Variants in KITLG observed in about 807,000 individuals in gnomAD.
KITLG encodes the protein KIT ligand, also known as c-Kit ligand.
KITLG carries 13 observed loss-of-function variants against 34.1 expected under a neutral mutation model. The observed-to-expected ratio is 0.38, with a 90% CI of 0.25 to 0.61. The LOEUF is 0.61. Ranked by LOEUF, KITLG falls within the 20% of genes least tolerant of loss-of-function variation. The pLI is 0.60. For synonymous variants in KITLG, 110 were observed against 104.0 expected (o/e 1.06, Z -0.35); for missense variants, 292 against 318.9 (o/e 0.92, Z 0.64).
At chr12:88,519,914 G>A (rs915973511) in intron 3 of KITLG, among the ~76,000 whole-genome samples, 3 of 152,126 alleles carry the variant, frequency 2.0e-5, no homozygotes, top group African/African-American at 7.2e-5. Flanking sequence ...GTGAGTCACT[G>A]CATCTGGCTC....
intron 6 of KITLG, among the ~76,000 whole-genome samples, chr12:88,510,032 C>CA (rs1869215319): frequency 6.6e-6 from 1 of 152,106 alleles, no homozygotes; most frequent in Non-Finnish European, 1.5e-5. Flanking sequence ...TGAGTAATCC[C>CA]AAATTCCTGG....
intron 1 of KITLG, among the ~76,000 whole-genome samples, chr12:88,549,790 G>A (rs1340204032): frequency 6.6e-6 from 1 of 152,050 alleles, no homozygotes; most frequent in African/African-American, 2.4e-5. Flanking sequence ...AAGGGAGTGA[G>A]TAAAAGTATA....
intron 2 of KITLG, among the ~76,000 whole-genome samples, chr12:88,540,748 T>C (rs980772822): frequency 2.0e-5 from 3 of 152,206 alleles, no homozygotes; most frequent in Non-Finnish European, 4.4e-5. Flanking sequence ...CTTGATAATA[T>C]AGCAATCTAT....
chr12:88,538,203 T>C (rs1451175093), intron 2 of KITLG, among the ~76,000 whole-genome samples: 1 of 152,018 alleles, frequency 6.6e-6, no homozygotes, highest in Admixed American at 6.6e-5. Flanking sequence ...ATGGGAAAGC[T>C]CATAATGTGT....
chr12:88,519,607 ATTTAT>A (rs1263430059), intron 3 of KITLG, among the ~76,000 whole-genome samples: 2 of 151,928 alleles, frequency 1.3e-5, no homozygotes, highest in African/African-American at 2.4e-5. Flanking sequence ...CCTTTTATTT[ATTTAT>A]TTATTTATTT....
intron 3 of KITLG, among the ~76,000 whole-genome samples, 158 bp from the exon 4 acceptor site, chr12:88,519,025 GCTA>G (rs1342987251): frequency 1.3e-5 from 2 of 152,010 alleles, no homozygotes; most frequent in Non-Finnish European, 2.9e-5. Context: ...ACCATGCCTG[GCTA>G]CTTTTTTATT....
rs1868625627 is a variant in KITLG, at chr12:88,495,965, T to C, written c.*1254A>G. 1.3e-5 allele frequency: 2 copies of C among 152,176 alleles called. No individual in the cohort carries two copies. The highest frequency in any genetic ancestry group is 2.4e-5 in the African/African-American group (1 of 41,450). 9.4% of individuals were successfully genotyped at this position (152,176 alleles called of 1,614,324 possible). On this transcript the variant is annotated 3_prime_UTR_variant, in exon 10 of 10. Transcript: ENST00000644744. The stretch of plus-strand genomic sequence containing the variant: ...CTAGTTTAAAAGCACAATGTCCATC[T>C]TGGGAATTCCTGCCAAATTCACTCT...
At chr12:88,570,744 T>C (rs528437093) in intron 1 of KITLG, among the ~76,000 whole-genome samples, 26 of 152,288 alleles carry the variant, frequency 1.7e-4, no homozygotes, top group African/African-American at 6.3e-4. Flanking sequence ...AGGGTTTTTA[T>C]TTTTCTTTGT....
rs139958369 is a variant in KITLG, at chr12:88,553,908, G to A, written c.16-8043C>T. On this transcript the variant is annotated intron_variant, in intron 1 of 9. Coordinates refer to ENST00000644744, the MANE Select transcript of KITLG (RefSeq NM_000899.5). ...TAGAAAAGTACTTTAAAGAAGTCTG[G>A]GGTGGGAGGGATTTACAAGAAGATG... 7.2e-5 allele frequency among the ~76,000 whole-genome samples: 11 copies of A among 152,280 alleles called. No homozygotes were observed. In the East Asian group the frequency reaches 1.5e-3, roughly 21 times the overall value.
In KITLG at chr12:88,493,884, A is replaced by C. The variant is rs2120766111; in HGVS notation, c.*3335T>G. 6.6e-6 allele frequency: 1 copy of C among 152,056 alleles called. No homozygotes were observed. Among genetic ancestry groups the C allele is most frequent in the East Asian group, 1.9e-4 (1 of 5,178 alleles). 9.4% of individuals were successfully genotyped at this position (152,056 alleles called of 1,614,324 possible). A position where few individuals can be genotyped will look rare whatever the true frequency, so the allele number is the denominator to read the frequency against. On this transcript the variant is annotated 3_prime_UTR_variant, in exon 10 of 10. Coordinates refer to ENST00000644744, the MANE Select transcript of KITLG (RefSeq NM_000899.5). ...CCATCTCTTGTGTAAATGGTGATCC[A>C]ATTCACCCTACTTAAGACTGAATTT...
chr12:88,520,711 T>C (rs1869626886), intron 3 of KITLG, among the ~76,000 whole-genome samples: 1 of 152,208 alleles, frequency 6.6e-6, no homozygotes, highest in Non-Finnish European at 1.5e-5. Context: ...AGAAAATGTT[T>C]TGTTGATTTG....
chr12:88,561,114 T>C (rs1307008877), intron 1 of KITLG, among the ~76,000 whole-genome samples: 1 of 151,540 alleles, frequency 6.6e-6, no homozygotes, highest in Non-Finnish European at 1.5e-5. Context: ...TTTGACACAA[T>C]CCTTATGGCC....
At chr12:88,500,875 G>C (rs1868825644) in intron 9 of KITLG, among the ~76,000 whole-genome samples, 1 of 152,098 alleles carries the variant, frequency 6.6e-6, no homozygotes, top group Non-Finnish European at 1.5e-5. Flanking sequence ...AACCTCTCGG[G>C]CTCAGGCAAT....
At chr12:88,522,531 G>A (rs147242109) in intron 3 of KITLG, among the ~76,000 whole-genome samples, 1 of 149,626 alleles carries the variant, frequency 6.7e-6, no homozygotes, top group Non-Finnish European at 1.5e-5. Context: ...GGGTTCAAGC[G>A]ATTCTCCTGC....
At chr12:88,536,049 T>C (rs1188849920) in intron 2 of KITLG, among the ~76,000 whole-genome samples, 1 of 151,942 alleles carries the variant, frequency 6.6e-6, no homozygotes, top group East Asian at 1.9e-4. Context: ...AAAATGACAA[T>C]TGGGAGCTAA....
intron 3 of KITLG, among the ~76,000 whole-genome samples, chr12:88,520,797 A>G (rs1869629822): frequency 6.6e-6 from 1 of 152,004 alleles, no homozygotes; most frequent in Admixed American, 6.6e-5. Flanking sequence ...ACCGAACTCT[A>G]TGTTTACATT....
intron 9 of KITLG, among the ~76,000 whole-genome samples, chr12:88,503,625 C>T (rs967151180): frequency 3.3e-5 from 5 of 152,134 alleles, no homozygotes; most frequent in African/African-American, 1.2e-4. Flanking sequence ...GTGGGTCTTC[C>T]CGCAACAGTA....
chr12:88,519,959 C>G (rs1045960044), intron 3 of KITLG, among the ~76,000 whole-genome samples: 2 of 152,034 alleles, frequency 1.3e-5, no homozygotes, highest in African/African-American at 4.8e-5. Flanking sequence ...TAGAAGGGAC[C>G]ACTTTATATT....
chr12:88,500,900 C>T (rs1868826881), intron 9 of KITLG, among the ~76,000 whole-genome samples: 1 of 152,144 alleles, frequency 6.6e-6, no homozygotes, highest in African/African-American at 2.4e-5. Flanking sequence ...CTGCCTCAGC[C>T]TCCTGAGTAG....
Sources: allele counts gnomAD v4.1 joint callset (sites outside exome capture counted in the v4.1 genomes callset), GRCh38; gene constraint gnomAD v4.1.1; transcripts MANE v1.5; gene names NCBI Gene and HGNC (gene_info 2026-07-23, HGNC 2026-07-21).